SRBD1: variants seen among roughly 807,000 people sequenced by gnomAD.
The protein encoded by SRBD1 is S1 RNA-binding domain-containing protein 1.
Under a neutral mutation model 115.3 loss-of-function variants are expected in SRBD1, and 88 were observed. That is an observed-to-expected ratio of 0.76 (90% CI 0.64 to 0.91). SRBD1 has a LOEUF of 0.91. SRBD1 is among the 40% of genes least tolerant of loss of function. SRBD1 has a pLI of 0.00. For synonymous variants in SRBD1, 509 were observed against 407.7 expected, an observed-to-expected ratio of 1.25 and a Z score of -2.99; for missense variants, 1,385 against 1,177.4, an observed-to-expected ratio of 1.18 and a Z score of -2.58.
intron 20 of SRBD1, among the ~76,000 whole-genome samples, chr2:45,391,266 T>C (rs1572583208): frequency 1.3e-5 from 2 of 152,304 alleles, no homozygotes; most frequent in Non-Finnish European, 2.9e-5. Flanking sequence ...TAGCCAAGCA[T>C]TTTCAGCCCC....
rs534201323 is a variant in SRBD1, at chr2:45,580,078, C to T, written c.934-65G>A. Reference sequence around the variant, plus strand: ...AAAAACAAAAGTTAAAACTAGGTTACAAAATTAGAGGACATGCTGAGAATG... The same window carrying T: ...AAAAACAAAAGTTAAAACTAGGTTATAAAATTAGAGGACATGCTGAGAATG... On this transcript the variant is annotated intron_variant, in intron 6 of 20. Coordinates refer to ENST00000263736, the MANE Select transcript of SRBD1 (RefSeq NM_018079.5). 4.5e-6 allele frequency: 6 copies of T among 1,342,186 alleles called. No homozygotes were observed. In the African/African-American group the frequency reaches 8.8e-5, roughly 20 times the overall value. The allele number at this position is 1,342,186 out of a possible 1,614,324, so 83.1% of individuals were successfully genotyped here.
chr2:45,441,158 G>A (rs1398571095), intron 16 of SRBD1, among the ~76,000 whole-genome samples: 2 of 152,132 alleles, frequency 1.3e-5, no homozygotes, highest in Non-Finnish European at 2.9e-5. Context: ...GCCAGGACAG[G>A]ATCCACATTA....
At chr2:45,608,691 GTTAAC>G (rs896816702) in intron 1 of SRBD1, among the ~76,000 whole-genome samples, 6 of 152,150 alleles carry the variant, frequency 3.9e-5, no homozygotes, top group South Asian at 4.1e-4. Context: ...ATGTCTCACA[GTTAAC>G]TTAACACATC....
At chr2:45,525,509 G>A (rs546607893) in intron 14 of SRBD1, among the ~76,000 whole-genome samples, 15 of 151,878 alleles carry the variant, frequency 9.9e-5, no homozygotes, top group Non-Finnish European at 1.5e-4. Context: ...AAGTTTAAGC[G>A]ATCTACTGTA....
chr2:45,587,086 AT>A (rs1227296473), intron 4 of SRBD1, among the ~76,000 whole-genome samples: 8 of 130,918 alleles, frequency 6.1e-5, no homozygotes, highest in Non-Finnish European at 1.1e-4. Flanking sequence ...AATATTTAAA[AT>A]TTTTTAAATA....
At chr2:45,566,966 C>T (rs1043440426) in intron 9 of SRBD1, among the ~76,000 whole-genome samples, 5 of 152,250 alleles carry the variant, frequency 3.3e-5, no homozygotes, top group Admixed American at 2.0e-4. Flanking sequence ...TTACAGGACA[C>T]AAACTGATAT....
intron 18 of SRBD1, among the ~76,000 whole-genome samples, chr2:45,414,785 C>CACACACAT (rs1558563497): frequency 5.3e-5 from 3 of 56,348 alleles, no homozygotes; most frequent in African/African-American, 2.0e-4. Context: ...TACACACACA[C>CACACACAT]ATAGTGTGTA....
chr2:45,420,448 C>T (rs111569743), intron 16 of SRBD1, among the ~76,000 whole-genome samples: 115 of 152,260 alleles, frequency 7.6e-4, no homozygotes, highest in African/African-American at 2.4e-3. Flanking sequence ...ATATGAAGCA[C>T]CATTTTATAT....
chr2:45,520,346 A>G (rs1027317605), intron 14 of SRBD1, among the ~76,000 whole-genome samples: 2 of 152,208 alleles, frequency 1.3e-5, no homozygotes, highest in Non-Finnish European at 2.9e-5. Flanking sequence ...TGGCCAGTCC[A>G]GGCAGTAGTG....
At chr2:45,478,650 A>C (rs1669873817) in intron 15 of SRBD1, among the ~76,000 whole-genome samples, 1 of 152,222 alleles carries the variant, frequency 6.6e-6, no homozygotes, top group Non-Finnish European at 1.5e-5. Context: ...TACAGATTTA[A>C]AGTAGAGATA....
At chr2:45,585,797 G>A in intron 4 of SRBD1, 23 bp from the exon 5 acceptor site, 2 of 1,549,518 alleles carry the variant, frequency 1.3e-6, no homozygotes, top group Non-Finnish European at 8.7e-7. Context: ...GATACTTAGT[G>A]ATTTAAAATG....
At chr2:45,493,260 C>T (rs1213520757) in intron 14 of SRBD1, among the ~76,000 whole-genome samples, 2 of 152,128 alleles carry the variant, frequency 1.3e-5, no homozygotes, top group Admixed American at 1.3e-4. Context: ...GCACTAAAAA[C>T]ATGAACCAAC....
rs556674539 is a variant in SRBD1 at position 45,523,989 on chromosome 2, C to T, written c.1874+22743G>A. Reference sequence around the variant, plus strand: ...TGGGATTTATCCCAAAAATGCAAGACTGATTCAACAACCAAAAATCAATTA... The same window carrying T: ...TGGGATTTATCCCAAAAATGCAAGATTGATTCAACAACCAAAAATCAATTA... On this transcript the variant is annotated intron_variant, in intron 14 of 20. Transcript: ENST00000263736. Among the ~76,000 whole-genome samples, 4 of 152,158 alleles carry T rather than the reference C, an allele frequency of 2.6e-5. No individual in the cohort carries two copies. In the South Asian group the frequency reaches 8.3e-4, roughly 32 times the overall value.
intron 14 of SRBD1, among the ~76,000 whole-genome samples, chr2:45,504,447 T>C (rs1383438329): frequency 6.6e-6 from 1 of 152,126 alleles, no homozygotes; most frequent in Non-Finnish European, 1.5e-5. Flanking sequence ...AATTAGACTA[T>C]CATCATCTCT....
intron 2 of SRBD1, among the ~76,000 whole-genome samples, chr2:45,604,861 CA>C (rs1674216943): frequency 6.6e-6 from 1 of 152,122 alleles, no homozygotes; most frequent in Non-Finnish European, 1.5e-5. Flanking sequence ...ATCTTCAGAG[CA>C]CCTAATATGA....
chr2:45,514,132 T>A (rs1451398433), intron 14 of SRBD1, among the ~76,000 whole-genome samples: 1 of 152,142 alleles, frequency 6.6e-6, no homozygotes, highest in African/African-American at 2.4e-5. Flanking sequence ...AGTAAAGCCA[T>A]GGGATATGAT....
intron 14 of SRBD1, among the ~76,000 whole-genome samples, chr2:45,543,388 A>G (rs114070661): frequency 1.2e-3 from 177 of 152,342 alleles, no homozygotes; most frequent in African/African-American, 4.1e-3. Flanking sequence ...ATTAGGATAT[A>G]TATCATGGCA....
chr2:45,570,176 T>C (rs558883452), intron 9 of SRBD1, among the ~76,000 whole-genome samples: 1 of 152,368 alleles, frequency 6.6e-6, no homozygotes, highest in African/African-American at 2.4e-5. Context: ...ACTGGACCTT[T>C]ACAGAAAAAG....
intron 16 of SRBD1, among the ~76,000 whole-genome samples, chr2:45,435,041 C>T (rs138160239): frequency 1.2e-4 from 18 of 151,992 alleles, no homozygotes; most frequent in African/African-American, 3.9e-4. Flanking sequence ...TCTGTCCTTG[C>T]GATAGGTTTG....
Sources: gnomAD v4.1 joint callset for allele counts (sites outside exome capture counted in the v4.1 genomes callset) on GRCh38, gnomAD v4.1.1 for gene constraint, MANE v1.5 for transcripts, NCBI Gene and HGNC (gene_info 2026-07-23, HGNC 2026-07-21) for gene names.